The following FANCD2 variants were observed in gnomAD, a reference collection of about 807,000 sequenced individuals.
FANCD2 encodes the protein Fanconi anemia group D2 protein.
In FANCD2, 131 loss-of-function variants were observed where a neutral mutation model predicts 192.3. The ratio of observed to expected loss-of-function variants is 0.68; its 90% CI spans 0.59 to 0.79. FANCD2 has a LOEUF of 0.79. Ranked by LOEUF, FANCD2 falls within the 30% of genes least tolerant of loss-of-function variation. The probability of loss-of-function intolerance (pLI) is 0.00; values close to 1 mark genes in which losing one functional copy is unlikely to be tolerated. For synonymous variants in FANCD2, 524 were observed against 612.5 expected, an observed-to-expected ratio of 0.86 and a Z score of 2.13; for missense variants, 1,508 against 1,701.6, an observed-to-expected ratio of 0.89 and a Z score of 2.00.
At chr3:10,074,387 T>C (rs577706778) in intron 28 of FANCD2, 143 bp from the exon 29 acceptor site, 2 of 727,414 alleles carry the variant, frequency 2.7e-6, no homozygotes, top group East Asian at 5.5e-5. Flanking sequence ...ATTTAGGGAC[T>C]TGGGCTAGAG....
chr3:10,039,250 T>A (rs2124984002), intron 7 of FANCD2, 29 bp from the exon 8 acceptor site: 1 of 1,553,794 alleles, frequency 6.4e-7, no homozygotes, highest in African/African-American at 1.4e-5. Flanking sequence ...AAAGGCTCAG[T>A]TCCCTGTTTT....
Position 10,057,371 on chromosome 3 carries a change from C to CTT in FANCD2, c.1657-2912_1657-2911dup, listed in dbSNP as rs1186883895. Among the ~76,000 whole-genome samples, 8 of 141,860 alleles carry CTT rather than the reference C, an allele frequency of 5.6e-5. No individual in the cohort carries two copies. In the East Asian group the frequency reaches 6.1e-4, roughly 11 times the overall value. 93.1% of individuals were successfully genotyped at this position (141,860 alleles called of 152,430 possible). ...TCTTTTTCTTTTTCTTTCTTTCTTTCTTTTTTTTTTTTGAGATGGAGTCTC... is the reference window on the plus strand; with the variant it reads ...TCTTTTTCTTTTTCTTTCTTTCTTTCTTTTTTTTTTTTTTGAGATGGAGTCTC... On this transcript the variant is annotated intron_variant, in intron 18 of 43. Transcript: ENST00000675286.
At chr3:10,037,132 T>G (rs7631678) in intron 7 of FANCD2, among the ~76,000 whole-genome samples, 29,999 of 151,304 alleles carry the variant, frequency 0.2, 3,477 homozygotes, top group African/African-American at 0.32. Context: ...GCCCTACCTG[T>G]TTTTTTTTAA....
chr3:10,072,841 C>T, intron 26 of FANCD2, 30 bp from the exon 27 acceptor site: 1 of 1,171,286 alleles, frequency 8.5e-7, no homozygotes, highest in Non-Finnish European at 1.3e-6. Context: ...AATTGGTACA[C>T]ATTGAGCTTC....
chr3:10,044,302 A>C (rs113890152), intron 14 of FANCD2, among the ~76,000 whole-genome samples: 1 of 151,208 alleles, frequency 6.6e-6, no homozygotes, highest in African/African-American at 2.4e-5. Context: ...GAGTAAATCA[A>C]TCTGTCCACT....
intron 18 of FANCD2, among the ~76,000 whole-genome samples, chr3:10,054,410 C>CAT (rs1329446712): frequency 1.5e-4 from 11 of 71,414 alleles, no homozygotes; most frequent in African/African-American, 7.6e-4. Flanking sequence ...TATGTATATA[C>CAT]GTATATACAT....
intron 18 of FANCD2, among the ~76,000 whole-genome samples, chr3:10,057,283 C>A (rs1480831832): frequency 6.6e-6 from 1 of 152,058 alleles, no homozygotes; most frequent in Non-Finnish European, 1.5e-5. Flanking sequence ...GGTTTTCACT[C>A]CCTTGATAGT....
intron 26 of FANCD2, among the ~76,000 whole-genome samples, chr3:10,069,445 A>G (rs2087808849): frequency 6.8e-6 from 1 of 146,676 alleles, no homozygotes; most frequent in South Asian, 2.1e-4. Flanking sequence ...ATGTCATCTC[A>G]CCCTAGTTAA....
intron 19 of FANCD2, among the ~76,000 whole-genome samples, 158 bp downstream of exon 19, chr3:10,060,561 A>G (rs1026933204): frequency 6.6e-6 from 1 of 152,210 alleles, no homozygotes. Flanking sequence ...TCGTGACTGT[A>G]TATATTACCA....
chr3:10,071,125 TAAAAAAAAAAAAAGAAAAAAA>T (rs1361742639), intron 26 of FANCD2, among the ~76,000 whole-genome samples: 13 of 77,936 alleles, frequency 1.7e-4, no homozygotes, highest in Admixed American at 1.3e-3. Flanking sequence ...GAATGATCGA[TAAAAAAAAAAAAAGAAAAAAA>T]GAAAAAAAAA....
At position 10,060,167 on chromosome 3, in the gene FANCD2, C is replaced by CA. The variant is rs111589951; in HGVS notation, c.1657-112dup. On this transcript the variant is annotated intron_variant, in intron 18 of 43. Coordinates refer to ENST00000675286, the MANE Select transcript of FANCD2 (RefSeq NM_001018115.3). Reference sequence around the variant, plus strand: ...AGGCAACAAGAACGAAAGTCCGTCTCAAAAAAAAAAAAAAACAGTTAGTAA... The same window carrying CA: ...AGGCAACAAGAACGAAAGTCCGTCTCAAAAAAAAAAAAAAAACAGTTAGTAA... 0.28 allele frequency: 148,090 copies of CA among 520,448 alleles called. 2,492 individuals are homozygous for CA. Among genetic ancestry groups the CA allele is most frequent in the African/African-American group, 0.35 (15,034 of 43,214 alleles). 32.2% of individuals were successfully genotyped at this position (520,448 alleles called of 1,614,324 possible).
At chr3:10,077,758 G>A (rs530379900) in intron 29 of FANCD2, among the ~76,000 whole-genome samples, 5 of 152,184 alleles carry the variant, frequency 3.3e-5, no homozygotes, top group Non-Finnish European at 7.4e-5. Context: ...GCCCAGGTGT[G>A]GTGGTTCATA....
rs1001077491 is a variant in FANCD2, at chr3:10,081,282, C to T, written c.3105+54C>T. 15 of 1,613,220 alleles carry T rather than the reference C, an allele frequency of 9.3e-6. No homozygotes were observed. The African/African-American group carries it at 1.6e-4, about 17-fold the overall frequency. The stretch of plus-strand genomic sequence containing the variant: ...AGCAAATATGAGGTTTCATTTTTGG[C>T]TGAGAAAAAGGAAAATGAGGACAAT... On this transcript the variant is annotated intron_variant, in intron 31 of 43. Transcript: ENST00000675286.
At chr3:10,075,978 G>A (rs548361197) in intron 29 of FANCD2, among the ~76,000 whole-genome samples, 11 of 151,448 alleles carry the variant, frequency 7.3e-5, no homozygotes, top group African/African-American at 1.2e-4. Context: ...TGATCCGCCC[G>A]CCTTGGCCTC....
chr3:10,053,568 AT>A (rs1240032106), intron 18 of FANCD2, among the ~76,000 whole-genome samples: 1 of 151,656 alleles, frequency 6.6e-6, no homozygotes, highest in Non-Finnish European at 1.5e-5. Context: ...ATTAAAAAAA[AT>A]TTTTTTGTAT....
chr3:10,072,940 T>C lies in FANCD2; in HGVS notation c.2564T>C (p.Val855Ala). ...VETLDITPHTVTAISAKIRKK... is the reference protein window; with the variant it reads ...VETLDITPHTATAISAKIRKK... ...ACTTTAGATATAACACCTCATACTG[T>C]TACTGCTATTTCAGCAAAAATCAGA... Residue 855 changes from valine to alanine, a missense_variant, in exon 27 of 44, where the codon GTT (valine) becomes GCT (alanine). Val to Ala is a moderately conservative substitution (Grantham distance 64). This residue lies in a region of FANCD2 where 796 missense variants were observed against 879.4 expected (regional missense o/e 0.91). Transcript: ENST00000675286. 1 of 1,610,034 alleles carries C rather than the reference T, an allele frequency of 6.2e-7. No homozygotes were observed. The highest frequency in any genetic ancestry group is 8.5e-7 in the Non-Finnish European group (1 of 1,176,326).
Position 10,095,339 on chromosome 3 carries a change from G to A in FANCD2, c.4038+65G>A, listed in dbSNP as rs1488069199. 1.4e-5 allele frequency: 18 copies of A among 1,250,466 alleles called. No individual in the cohort carries two copies. In the Middle Eastern group the frequency reaches 1.7e-3, roughly 115 times the overall value. 77.5% of individuals were successfully genotyped at this position (1,250,466 alleles called of 1,614,324 possible). A position where few individuals can be genotyped will look rare whatever the true frequency, so the allele number is the denominator to read the frequency against. ...GGCTTAATCTGCAGTTGCTATTGGGGGATCCATGGGCTACCATCCTTCTTC... is the reference window on the plus strand; with the variant it reads ...GGCTTAATCTGCAGTTGCTATTGGGAGATCCATGGGCTACCATCCTTCTTC... On this transcript the variant is annotated intron_variant, in intron 41 of 43. Transcript: ENST00000675286.
chr3:10,088,630 T>C (rs1458056060), intron 35 of FANCD2, 88 bp downstream of exon 35: 1 of 1,122,552 alleles, frequency 8.9e-7, no homozygotes, highest in Non-Finnish European at 1.4e-6. Flanking sequence ...AATGACCTTT[T>C]TAGTGGGAAT....
chr3:10,042,980 T>C (rs1171392719), intron 11 of FANCD2, 70 bp from the exon 12 acceptor site: 1 of 1,310,262 alleles, frequency 7.6e-7, no homozygotes, highest in East Asian at 2.3e-5. Flanking sequence ...ATTGTCATGG[T>C]AGAGAGACTG....
Sources: gnomAD v4.1 joint callset for allele counts (sites outside exome capture counted in the v4.1 genomes callset) on GRCh38, gnomAD v4.1.1 for gene constraint, gnomAD v4.1.1 regional missense constraint, MANE v1.5 for transcripts, NCBI Gene and HGNC (gene_info 2026-07-23, HGNC 2026-07-21) for gene names.